The following RNF32 variants were observed in gnomAD, a reference collection of about 807,000 sequenced individuals.
RNF32 encodes the protein ring finger protein 32.
A neutral mutation model predicts 41.0 loss-of-function variants in RNF32; 36 were observed. That is an observed-to-expected ratio of 0.88 (90% CI 0.67 to 1.16). The LOEUF (loss-of-function observed/expected upper bound fraction) is 1.16. Ranked by LOEUF, RNF32 falls within the 50% of genes most tolerant of loss-of-function variation. The pLI is 0.00. For missense variants in RNF32, 413 were observed against 436.7 expected (o/e 0.95, Z 0.48); for synonymous variants, 154 against 160.9 (o/e 0.96, Z 0.32).
intron 7 of RNF32, among the ~76,000 whole-genome samples, chr7:156,675,231 C>G (rs189211760): frequency 9.8e-5 from 15 of 152,328 alleles, no homozygotes; most frequent in Middle Eastern, 3.4e-3. Context: ...GGAAGCATGA[C>G]AGGACAAGGG....
chr7:156,658,782 A>T, intron 7 of RNF32: 1 of 966,698 alleles, frequency 1.0e-6, no homozygotes, highest in Non-Finnish European at 1.6e-6. Flanking sequence ...TTTTCTAGTT[A>T]AATCATAAAA....
At chr7:156,673,458 C>G (rs1448086793) in intron 7 of RNF32, among the ~76,000 whole-genome samples, 1 of 152,094 alleles carries the variant, frequency 6.6e-6, no homozygotes, top group Non-Finnish European at 1.5e-5. Flanking sequence ...AAAATTAAAG[C>G]CTTAGGAAAC....
chr7:156,667,984 T>C (rs189436188), intron 7 of RNF32, among the ~76,000 whole-genome samples: 55 of 152,370 alleles, frequency 3.6e-4, no homozygotes, highest in African/African-American at 1.3e-3. Flanking sequence ...TGTTTTTTCT[T>C]AGTTCCCCCA....
At chr7:156,641,475 T>G (rs61418670) in intron 1 of RNF32, among the ~76,000 whole-genome samples, 4,542 of 152,312 alleles carry the variant, frequency 0.03, 205 homozygotes, top group East Asian at 0.12. Flanking sequence ...TGCCGCAGGC[T>G]CATTATATAT....
intron 7 of RNF32, among the ~76,000 whole-genome samples, chr7:156,661,969 C>G (rs559143426): frequency 6.6e-6 from 1 of 152,280 alleles, no homozygotes; most frequent in South Asian, 2.1e-4. Context: ...TGAGGTTATA[C>G]TCATAATTTG....
intron 4 of RNF32, among the ~76,000 whole-genome samples, chr7:156,656,722 C>A (rs1330373990): frequency 6.6e-6 from 1 of 152,226 alleles, no homozygotes; most frequent in Non-Finnish European, 1.5e-5. Context: ...TGTGGTCACC[C>A]AAGTCAGATT....
chr7:156,676,816 C>T lies in RNF32; in HGVS notation c.*161C>T. 1 of 600,312 alleles carries T rather than the reference C, an allele frequency of 1.7e-6. No individual in the cohort carries two copies. Among genetic ancestry groups the T allele is most frequent in the Non-Finnish European group, 2.9e-6 (1 of 342,882 alleles). The allele number at this position is 600,312 out of a possible 1,614,324, so 37.2% of individuals were successfully genotyped here. Reference sequence around the variant, plus strand: ...AATCTTAGTATATTTTAAAAGCTGACATCCCACCTAATTTTAATCTTTGGT... The same window carrying T: ...AATCTTAGTATATTTTAAAAGCTGATATCCCACCTAATTTTAATCTTTGGT... On this transcript the variant is annotated 3_prime_UTR_variant, in exon 9 of 9. Transcript: ENST00000317955.
At chr7:156,658,605 C>A in intron 7 of RNF32, 35 bp downstream of exon 7, 1 of 1,392,440 alleles carries the variant, frequency 7.2e-7, no homozygotes, top group South Asian at 1.2e-5. Flanking sequence ...CAGATATGGT[C>A]TCCGTGCGGG....
intron 7 of RNF32, among the ~76,000 whole-genome samples, chr7:156,671,592 A>G (rs1004536172): frequency 2.6e-4 from 40 of 151,334 alleles, no homozygotes; most frequent in African/African-American, 9.4e-4. Context: ...TTATAAGTTC[A>G]GCTTCTAGAT....
At chr7:156,651,073 T>C (rs1277029687) in intron 3 of RNF32, among the ~76,000 whole-genome samples, 1 of 152,200 alleles carries the variant, frequency 6.6e-6, no homozygotes, top group African/African-American at 2.4e-5. Context: ...AGAAGATCCA[T>C]GGGCATAGTT....
intron 7 of RNF32, among the ~76,000 whole-genome samples, chr7:156,675,430 T>C (rs1803653872): frequency 6.6e-6 from 1 of 152,332 alleles, no homozygotes; most frequent in South Asian, 2.1e-4. Context: ...GGAATGTTTT[T>C]TCCTTAAAAT....
In RNF32 at chr7:156,646,450, T is replaced by A. The variant is rs145573310; in HGVS notation, c.274+1693T>A. On this transcript the variant is annotated intron_variant, in intron 3 of 8. Coordinates refer to ENST00000317955, the MANE Select transcript of RNF32 (RefSeq NM_030936.4). ...TTGTACTCTCCCTTTCCTCTTCTTA[T>A]AAGGATACCATTCATAGGATGTACA... is the stretch of plus-strand genomic sequence containing the variant. 6.8e-4 allele frequency: 889 copies of A among 1,303,592 alleles called. 4 individuals carry two copies. The African/African-American group carries it at 0.012, about 18-fold the overall frequency. 80.8% of individuals were successfully genotyped at this position (1,303,592 alleles called of 1,614,324 possible).
rs910796378 is a variant in RNF32, at chr7:156,644,419, G to C, written c.16-80G>C. 7.5e-6 allele frequency: 8 copies of C among 1,073,776 alleles called. No individual in the cohort carries two copies. The African/African-American group carries it at 1.3e-4, about 17-fold the overall frequency. The allele number at this position is 1,073,776 out of a possible 1,614,324, so 66.5% of individuals were successfully genotyped here. ...TTTGGTTGTATGTGCCATCAAGGTT[G>C]AGTATTGAAGCCTCAGTTCTCTTCT... On this transcript the variant is annotated intron_variant, in intron 2 of 8. Coordinates refer to ENST00000317955, the MANE Select transcript of RNF32 (RefSeq NM_030936.4).
rs2302147 is a variant in RNF32 at position 156,676,439 on chromosome 7, C to G, written c.873C>G (p.His291Gln). 0.36 allele frequency: 583,169 copies of G among 1,613,698 alleles called. 108,011 individuals are homozygous for G. The highest frequency in any genetic ancestry group is 0.5 in the African/African-American group (37,402 of 74,974). The change falls in exon 9 of 9, where the codon CAC becomes CAG. Residue 291 changes from histidine to glutamine, a missense_variant. His to Gln is a conservative substitution (Grantham distance 24). Transcript: ENST00000317955. ...IQVQALRRETHECSICLAPLS... is the reference protein window; with the variant it reads ...IQVQALRRETQECSICLAPLS... ...CGCAGGCTCTGCGCCGGGAGACCCA[C>G]GAGTGCTCCATCTGCCTGGCCCCTC...
chr7:156,658,939 A>G (rs761328308), intron 7 of RNF32: 1 of 1,525,030 alleles, frequency 6.6e-7, no homozygotes, highest in Non-Finnish European at 8.8e-7. Context: ...TGCACATCTC[A>G]TAGTAATGAA....
chr7:156,654,432 A>G, intron 3 of RNF32, 144 bp from the exon 4 acceptor site: 1 of 652,222 alleles, frequency 1.5e-6, no homozygotes, highest in Non-Finnish European at 2.5e-6. Flanking sequence ...GTGGATACCA[A>G]TGGACAGCTT....
chr7:156,669,304 A>G lies in RNF32; in HGVS notation c.685-6392A>G, dbSNP rs1011743029. On this transcript the variant is annotated intron_variant, in intron 7 of 8. Transcript: ENST00000317955. This position sits in a 1 kb window ranked among gnomAD's most constrained non-coding sequence, Gnocchi z 4.2. Reference sequence around the variant, plus strand: ...TGCAGGGAGCTGGGGAGAGACAAATAATAAAATATTTTGTTACAATTTTCA... The same window carrying G: ...TGCAGGGAGCTGGGGAGAGACAAATGATAAAATATTTTGTTACAATTTTCA... The G allele has an allele frequency of 6.6e-6, 1 of 152,206 alleles. No individual in the cohort carries two copies. The highest frequency in any genetic ancestry group is 2.4e-5 in the African/African-American group (1 of 41,430). The allele number at this position is 152,206 out of a possible 1,614,324, so 9.4% of individuals were successfully genotyped here.
At chr7:156,653,905 G>A (rs750775384) in intron 3 of RNF32, among the ~76,000 whole-genome samples, 2 of 152,238 alleles carry the variant, frequency 1.3e-5, no homozygotes, top group African/African-American at 2.4e-5. Context: ...AAGGCTGAGG[G>A]CTGAGGCAGG....
upstream of RNF32, chr7:156,640,539 C>G: frequency 2.6e-6 from 1 of 379,486 alleles, no homozygotes; most frequent in Non-Finnish European, 5.1e-6. Flanking sequence ...AACGCACCTG[C>G]GTCTAGACGC....
Sources: gnomAD v4.1 joint callset for allele counts (sites outside exome capture counted in the v4.1 genomes callset) on GRCh38, gnomAD v4.1.1 for gene constraint, Gnocchi (gnomAD v3.1) non-coding constraint, MANE v1.5 for transcripts, NCBI Gene and HGNC (gene_info 2026-07-23, HGNC 2026-07-21) for gene names.